MED27: variants seen among roughly 807,000 people sequenced by gnomAD.
The protein encoded by MED27 is mediator of RNA polymerase II transcription subunit 27.
Under a neutral mutation model 38.2 loss-of-function variants are expected in MED27, and 30 were observed. That is an observed-to-expected ratio of 0.79 (90% CI 0.59 to 1.07). The LOEUF is 1.07. Among genes scored for constraint, MED27 ranks in the 50% least tolerant of loss-of-function variants. The pLI is 0.00. For missense variants in MED27, 289 were observed against 397.5 expected (o/e 0.73, Z 2.32); for synonymous variants, 122 against 153.5 (o/e 0.79, Z 1.52).
At chr9:131,933,713 A>C (rs1830632115) in intron 4 of MED27, among the ~76,000 whole-genome samples, 1 of 152,272 alleles carries the variant, frequency 6.6e-6, no homozygotes, top group East Asian at 1.9e-4. Context: ...TACTACCCAA[A>C]GCAATACACA....
chr9:132,037,276 T>C (rs1833099514), intron 2 of MED27, among the ~76,000 whole-genome samples: 1 of 152,176 alleles, frequency 6.6e-6, no homozygotes. Flanking sequence ...GCTTACTATA[T>C]TTACGGTTAC....
chr9:131,995,885 T>C (rs80338160), intron 3 of MED27, among the ~76,000 whole-genome samples: 5 of 152,294 alleles, frequency 3.3e-5, no homozygotes, highest in East Asian at 1.9e-4. Context: ...TCTCCCCTAA[T>C]AGGAAGAATA....
Position 132,054,532 on chromosome 9 carries a change from G to A in MED27, c.348+22910C>T, listed in dbSNP as rs1018287751. The stretch of plus-strand genomic sequence containing the variant: ...CTTCCTGGGCTCAAGCCATCCTCCC[G>A]CCTCCCAAGCAGCTGGGACTACAGG... On this transcript the variant is annotated intron_variant, in intron 2 of 7. Coordinates refer to ENST00000292035, the MANE Select transcript of MED27 (RefSeq NM_004269.4). Among the ~76,000 whole-genome samples the A allele has an allele frequency of 7.2e-5, 11 of 152,050 alleles. No homozygotes were observed. In the South Asian group the frequency reaches 8.3e-4, roughly 11 times the overall value.
chr9:132,060,285 T>G (rs531754006), intron 2 of MED27, among the ~76,000 whole-genome samples: 1 of 152,276 alleles, frequency 6.6e-6, no homozygotes, highest in Non-Finnish European at 1.5e-5. Flanking sequence ...ACGTCACCAC[T>G]GGCAGACAGA....
chr9:132,060,523 T>C (rs1177766191), intron 2 of MED27, among the ~76,000 whole-genome samples: 1 of 152,220 alleles, frequency 6.6e-6, no homozygotes, highest in Non-Finnish European at 1.5e-5. Flanking sequence ...CGGTCCCACA[T>C]GATGGCTCCA....
intron 3 of MED27, among the ~76,000 whole-genome samples, chr9:131,952,140 C>G (rs4740192): frequency 0.35 from 52,493 of 152,070 alleles, 9,421 homozygotes; most frequent in African/African-American, 0.44. Context: ...AAGCCTTTTT[C>G]CTCTCTGGCT....
chr9:132,047,647 T>C (rs1301189708), intron 2 of MED27, among the ~76,000 whole-genome samples: 1 of 152,124 alleles, frequency 6.6e-6, no homozygotes, highest in Admixed American at 6.5e-5. Context: ...GCCATCAATA[T>C]GTGTATCAGT....
In MED27 at chr9:131,883,892, G is replaced by A; in HGVS notation, c.723+166C>T. The A allele has an allele frequency of 4.9e-6, 3 of 613,654 alleles. No individual in the cohort carries two copies. The highest frequency in any genetic ancestry group is 8.3e-6 in the Non-Finnish European group (3 of 362,882). 38.0% of individuals were successfully genotyped at this position (613,654 alleles called of 1,614,324 possible). A position where few individuals can be genotyped will look rare whatever the true frequency, so the allele number is the denominator to read the frequency against. ...ATCTGATTTCTGTCCCTAAGGTTTTGTTTTTTTCCAGAATGTCATACATAT... is the reference window on the plus strand; with the variant it reads ...ATCTGATTTCTGTCCCTAAGGTTTTATTTTTTTCCAGAATGTCATACATAT... On this transcript the variant is annotated intron_variant, in intron 6 of 7. Transcript: ENST00000292035. The surrounding 1 kb of genome is among the most constrained non-coding windows in gnomAD (Gnocchi z 4.2).
intron 3 of MED27, among the ~76,000 whole-genome samples, chr9:131,959,458 G>A (rs1831169948): frequency 6.6e-6 from 1 of 152,136 alleles, no homozygotes; most frequent in Non-Finnish European, 1.5e-5. Context: ...AGTGTAATCA[G>A]CTGAAAAAAT....
At chr9:131,916,170 T>A (rs544741746) in intron 4 of MED27, among the ~76,000 whole-genome samples, 2 of 152,314 alleles carry the variant, frequency 1.3e-5, no homozygotes, top group East Asian at 1.9e-4. Flanking sequence ...AAAGATTAAC[T>A]GGAGGAAAAA....
At chr9:132,077,625 A>C (rs1434154955) in intron 1 of MED27, 39 bp from the exon 2 acceptor site, 1 of 1,611,122 alleles carries the variant, frequency 6.2e-7, no homozygotes, top group African/African-American at 1.3e-5. Flanking sequence ...ACCTAAGCCC[A>C]TTTACACTCC....
chr9:132,012,217 A>G (rs1487672084), intron 3 of MED27, among the ~76,000 whole-genome samples: 1 of 152,228 alleles, frequency 6.6e-6, no homozygotes, highest in African/African-American at 2.4e-5. Flanking sequence ...TGCAGGGAAA[A>G]TGACAAGTTA....
intron 4 of MED27, among the ~76,000 whole-genome samples, chr9:131,922,024 G>T (rs1290814998): frequency 2.8e-5 from 4 of 140,666 alleles, no homozygotes; most frequent in African/African-American, 1.0e-4. Context: ...GGCCTGTCAT[G>T]GGGAGGGGGG....
rs765722195 is a variant in MED27, at chr9:131,893,989, T to C, written c.577A>G (p.Thr193Ala). The C allele has an allele frequency of 6.2e-7, 1 of 1,613,812 alleles. No individual in the cohort carries two copies. The highest frequency in any genetic ancestry group is 2.2e-5 in the East Asian group (1 of 44,876). ...ATCACTTTCAACACCTTTCCCAAGG[T>C]CACCTGCCAAAACACATGTAAGCTG... Reference protein sequence around the residue: ...PNGTSAMLLVTLGKVLKVIVV... With the variant: ...PNGTSAMLLVALGKVLKVIVV... Residue 193 changes from threonine to alanine, a missense_variant, in exon 5 of 8, where the codon ACC becomes GCC. Thr to Ala is a moderately conservative substitution (Grantham distance 58). Coordinates refer to ENST00000292035, the MANE Select transcript of MED27 (RefSeq NM_004269.4).
intron 2 of MED27, among the ~76,000 whole-genome samples, chr9:132,072,036 G>A (rs547680362): frequency 5.4e-5 from 8 of 148,822 alleles, no homozygotes; most frequent in Non-Finnish European, 7.5e-5. Flanking sequence ...CACGCACCCC[G>A]TGAACGAGCA....
rs1833461051 is a variant in MED27 at position 132,051,349 on chromosome 9, T to C, written c.348+26093A>G. Among the ~76,000 whole-genome samples the C allele has an allele frequency of 6.6e-6, 1 of 152,174 alleles. No homozygotes were observed. Among genetic ancestry groups the C allele is most frequent in the South Asian group, 2.1e-4 (1 of 4,832 alleles). On this transcript the variant is annotated intron_variant, in intron 2 of 7. Transcript: ENST00000292035. The surrounding 1 kb of genome is among the most constrained non-coding windows in gnomAD (Gnocchi z 4.2). ...TGAAAGGATTAACCCAAATGCCAAA[T>C]GTACTTTGTTCTGAAGTCTAACTAC...
intron 6 of MED27, among the ~76,000 whole-genome samples, chr9:131,874,502 A>C (rs927898190): frequency 2.0e-5 from 3 of 151,992 alleles, no homozygotes; most frequent in African/African-American, 7.3e-5. Context: ...ACAGGAGTGT[A>C]TGTATTGATT....
chr9:131,930,868 A>G (rs968457992), intron 4 of MED27, among the ~76,000 whole-genome samples: 3 of 152,202 alleles, frequency 2.0e-5, no homozygotes, highest in Non-Finnish European at 2.9e-5. Context: ...GGGCCATGAA[A>G]AAGTGTAGAG....
At chr9:131,906,998 G>C (rs887900732) in intron 4 of MED27, among the ~76,000 whole-genome samples, 1 of 152,148 alleles carries the variant, frequency 6.6e-6, no homozygotes, top group Non-Finnish European at 1.5e-5. Flanking sequence ...GCTGGTGGGA[G>C]TGTCTTTTCA....
Sources: allele counts gnomAD v4.1 joint callset (sites outside exome capture counted in the v4.1 genomes callset), GRCh38; gene constraint gnomAD v4.1.1; non-coding constraint Gnocchi (gnomAD v3.1); transcripts MANE v1.5; gene names NCBI Gene and HGNC (gene_info 2026-07-23, HGNC 2026-07-21).